RELN: variants seen among roughly 807,000 people sequenced by gnomAD.
RELN encodes the protein reelin.
A neutral mutation model predicts 427.6 loss-of-function variants in RELN; 108 were observed. That is an observed-to-expected ratio of 0.25 (90% CI 0.22 to 0.30). The LOEUF (loss-of-function observed/expected upper bound fraction) is 0.30, where lower values mean the gene tolerates loss of function less well. RELN is among the 10% of genes least tolerant of loss of function. RELN has a pLI of 1.00. For synonymous variants in RELN, 1,524 were observed against 1,513.4 expected (o/e 1.01, Z -0.16); for missense variants, 3,715 against 4,302.8 (o/e 0.86, Z 3.82).
intron 43 of RELN, among the ~76,000 whole-genome samples, chr7:103,541,688 C>A (rs1165849130): frequency 6.6e-6 from 1 of 152,118 alleles, no homozygotes; most frequent in Non-Finnish European, 1.5e-5. Flanking sequence ...TTGAGAAAAT[C>A]TTTATATTAA....
intron 2 of RELN, among the ~76,000 whole-genome samples, chr7:103,835,302 G>A (rs1304459962): frequency 6.6e-6 from 1 of 152,180 alleles, no homozygotes; most frequent in East Asian, 1.9e-4. Flanking sequence ...AGGGAGGTAG[G>A]ATGAACAGAA....
chr7:103,574,570 C>T (rs1326035920), intron 29 of RELN, among the ~76,000 whole-genome samples: 2 of 152,180 alleles, frequency 1.3e-5, no homozygotes, highest in African/African-American at 4.8e-5. Flanking sequence ...GTTCCTGCTA[C>T]TGAGGATTTG....
In RELN at chr7:103,535,303, G is replaced by C. The variant is rs776656910; in HGVS notation, c.7349+13C>G. On this transcript the variant is annotated intron_variant, in intron 46 of 64. Transcript: ENST00000428762. Reference sequence around the variant, plus strand: ...CGTAGAAGCATGTGGTGAACATGTAGAAGCATTCTTACCTGGTATAAGGAG... The same window carrying C: ...CGTAGAAGCATGTGGTGAACATGTACAAGCATTCTTACCTGGTATAAGGAG... 11 of 1,613,312 alleles carry C rather than the reference G, an allele frequency of 6.8e-6. No homozygotes were observed. Among genetic ancestry groups the C allele is most frequent in the Non-Finnish European group, 9.3e-6 (11 of 1,179,356 alleles).
chr7:103,495,908 A>C lies in RELN; in HGVS notation c.9194-10T>G. On this transcript the variant is annotated splice_polypyrimidine_tract_variant and intron_variant, in intron 56 of 64. Coordinates refer to ENST00000428762, the MANE Select transcript of RELN (RefSeq NM_005045.4). Reference sequence around the variant, plus strand: ...TCATGGGAAGTGCCTTCTGTTAAGGAAAATTGGAAGCAATATGGCATATTA... The same window carrying C: ...TCATGGGAAGTGCCTTCTGTTAAGGCAAATTGGAAGCAATATGGCATATTA... 3 of 1,613,664 alleles carry C rather than the reference A, an allele frequency of 1.9e-6. No homozygotes were observed. The highest frequency in any genetic ancestry group is 1.7e-6 in the Non-Finnish European group (2 of 1,179,734).
In RELN at chr7:103,989,203, G is replaced by C. The variant is rs372475867; in HGVS notation, c.154C>G (p.Gln52Glu). The C allele has an allele frequency of 3.1e-6, 5 of 1,614,016 alleles. No homozygotes were observed. Among genetic ancestry groups the C allele is most frequent in the African/African-American group, 1.3e-5 (1 of 74,936 alleles). The change falls in exon 1 of 65, where the codon CAG becomes GAG. Residue 52 changes from glutamine (Q) to glutamate (E), a missense_variant. Transcript: ENST00000428762. The surrounding 1 kb of genome is among the most constrained non-coding windows in gnomAD (Gnocchi z 4.9). Reference protein sequence around the residue: ...HHGELEGDGEQGEVLISLHIA... With the variant: ...HHGELEGDGEEGEVLISLHIA... ...TGCAGGGAAATGAGCACCTCGCCCT[G>C]CTCCCCATCCCCTTCCAGCTCCCCG...
intron 3 of RELN, among the ~76,000 whole-genome samples, chr7:103,787,059 C>T (rs1050406867): frequency 6.6e-6 from 1 of 152,192 alleles, no homozygotes; most frequent in Non-Finnish European, 1.5e-5. Flanking sequence ...CAAAACCTCA[C>T]AACTACATGG....
chr7:103,819,300 T>C (rs1288426763), intron 3 of RELN, among the ~76,000 whole-genome samples: 1 of 152,096 alleles, frequency 6.6e-6, no homozygotes, highest in African/African-American at 2.4e-5. Context: ...TAAGACATTT[T>C]GCATTCTAAC....
chr7:103,680,893 G>C (rs145707465), intron 11 of RELN, among the ~76,000 whole-genome samples: 60 of 152,250 alleles, frequency 3.9e-4, no homozygotes, highest in Middle Eastern at 6.8e-3. Context: ...AGGCCCTGAG[G>C]GGGTGGAGTC....
intron 57 of RELN, among the ~76,000 whole-genome samples, chr7:103,495,439 G>A (rs1441323992): frequency 6.9e-6 from 1 of 145,372 alleles, no homozygotes; most frequent in African/African-American, 2.5e-5. Flanking sequence ...CAAAGTGGTG[G>A]GATTATAGGC....
chr7:103,575,040 G>C (rs1430454864), intron 29 of RELN, among the ~76,000 whole-genome samples: 1 of 152,156 alleles, frequency 6.6e-6, no homozygotes, highest in Admixed American at 6.5e-5. Context: ...GGCTCACAGA[G>C]GCCATGCAGC....
At chr7:103,781,326 T>A (rs548200673) in intron 3 of RELN, among the ~76,000 whole-genome samples, 1 of 152,162 alleles carries the variant, frequency 6.6e-6, no homozygotes, top group African/African-American at 2.4e-5. Context: ...AAATCTTCTA[T>A]GGAAATATAT....
intron 3 of RELN, among the ~76,000 whole-genome samples, chr7:103,817,642 T>G (rs996534957): frequency 6.6e-5 from 10 of 151,928 alleles, no homozygotes; most frequent in African/African-American, 2.4e-4. Flanking sequence ...ACTTTCCCAG[T>G]GAAAACTAAA....
intron 63 of RELN, chr7:103,481,950 C>CT (rs1238488660): frequency 3.9e-5 from 6 of 152,142 alleles, no homozygotes; most frequent in Non-Finnish European, 7.3e-5. Flanking sequence ...GACCAGGTTG[C>CT]TCTTGGATTT....
chr7:103,496,493 G>A, intron 56 of RELN, 33 bp downstream of exon 56: 1 of 1,613,942 alleles, frequency 6.2e-7, no homozygotes, highest in Middle Eastern at 1.7e-4. Context: ...ATGGCTCACA[G>A]GAAAGAAAAT....
chr7:103,657,472 G>A (rs745676383), intron 12 of RELN, among the ~76,000 whole-genome samples: 6 of 152,062 alleles, frequency 3.9e-5, no homozygotes, highest in Non-Finnish European at 8.8e-5. Flanking sequence ...AATAATCACA[G>A]GCAGTGTGGG....
intron 2 of RELN, among the ~76,000 whole-genome samples, chr7:103,897,465 T>A (rs58130032): frequency 0.16 from 24,623 of 151,942 alleles, 2,700 homozygotes; most frequent in East Asian, 0.32. Flanking sequence ...GTGGTGTGTG[T>A]CCCTACATTT....
chr7:103,751,808 A>G (rs1326074839), intron 5 of RELN, among the ~76,000 whole-genome samples: 1 of 152,240 alleles, frequency 6.6e-6, no homozygotes, highest in African/African-American at 2.4e-5. Context: ...GGAAAAATAA[A>G]TTAATTGGGT....
At chr7:103,530,165 A>G (rs550694799) in intron 46 of RELN, among the ~76,000 whole-genome samples, 1 of 152,246 alleles carries the variant, frequency 6.6e-6, no homozygotes, top group South Asian at 2.1e-4. Flanking sequence ...TCAAATGGAC[A>G]TTTCCATTTG....
Position 103,539,223 on chromosome 7 carries a change from G to A in RELN, c.7035C>T (p.Pro2345=), listed in dbSNP as rs906374670. ...GGGCATCACCAGTAGAGCCACACAC[G>A]GGCATCTTGGTGCCTCCTGGGTGAA... is the stretch of plus-strand genomic sequence containing the variant. ...WLLHPGGTKM[P]VCGSTGDALV... The change falls in exon 45 of 65, where the codon CCC becomes CCT. Residue 2345 remains proline (P), a synonymous_variant. Coordinates refer to ENST00000428762, the MANE Select transcript of RELN (RefSeq NM_005045.4). The A allele has an allele frequency of 3.4e-5, 55 of 1,614,122 alleles. No homozygotes were observed. Among genetic ancestry groups the A allele is most frequent in the Middle Eastern group, 1.6e-4 (1 of 6,084 alleles).
Sources: allele counts gnomAD v4.1 joint callset (sites outside exome capture counted in the v4.1 genomes callset), GRCh38; gene constraint gnomAD v4.1.1; non-coding constraint Gnocchi (gnomAD v3.1); transcripts MANE v1.5; gene names NCBI Gene and HGNC (gene_info 2026-07-23, HGNC 2026-07-21).